The following CNBD1 variants were observed in gnomAD, a reference collection of about 807,000 sequenced individuals.
The protein encoded by CNBD1 is cyclic nucleotide binding domain containing 1.
A neutral mutation model predicts 54.4 loss-of-function variants in CNBD1; 71 were observed. The ratio of observed to expected loss-of-function variants is 1.30; its 90% CI spans 1.08 to 1.59. CNBD1 has a LOEUF of 1.59. Among genes scored for constraint, CNBD1 ranks in the 40% most tolerant of loss-of-function variants. The probability of loss-of-function intolerance (pLI) is 0.00; values close to 1 mark genes in which losing one functional copy is unlikely to be tolerated. For synonymous variants in CNBD1, 182 were observed against 170.7 expected, an observed-to-expected ratio of 1.07 and a Z score of -0.51; for missense variants, 659 against 518.0, an observed-to-expected ratio of 1.27 and a Z score of -2.64.
chr8:87,346,667 G>T (rs1810182429), intron 8 of CNBD1, among the ~76,000 whole-genome samples: 1 of 152,000 alleles, frequency 6.6e-6, no homozygotes, highest in Non-Finnish European at 1.5e-5. Flanking sequence ...ACTATGTGCT[G>T]ATATACTAAT....
At chr8:87,283,079 T>G (rs1338224616) in intron 6 of CNBD1, among the ~76,000 whole-genome samples, 1 of 152,104 alleles carries the variant, frequency 6.6e-6, no homozygotes, top group African/African-American at 2.4e-5. Context: ...TCCATCTATC[T>G]TCTGTAGCTA....
chr8:87,257,660 C>T (rs1808048986), intron 6 of CNBD1, among the ~76,000 whole-genome samples: 1 of 152,038 alleles, frequency 6.6e-6, no homozygotes, highest in East Asian at 1.9e-4. Context: ...TGAGTCCATG[C>T]TTAACATTGG....
chr8:87,185,017 T>C (rs909048800), intron 4 of CNBD1, among the ~76,000 whole-genome samples: 1 of 152,192 alleles, frequency 6.6e-6, no homozygotes, highest in African/African-American at 2.4e-5. Flanking sequence ...TTTCCGAATA[T>C]ATTTGGGAAA....
chr8:86,971,282 A>G (rs1330307377), intron 4 of CNBD1, among the ~76,000 whole-genome samples: 1 of 152,128 alleles, frequency 6.6e-6, no homozygotes, highest in Non-Finnish European at 1.5e-5. Context: ...ACTGCCAAAC[A>G]TTTTTATACC....
chr8:87,411,427 T>TATATATAG (rs71277943), intron 2 of CNBD1, among the ~76,000 whole-genome samples: 1 of 140,878 alleles, frequency 7.1e-6, no homozygotes, highest in Non-Finnish European at 1.5e-5. Context: ...TATATATATA[T>TATATATAG]TTCATTCACA....
intron 8 of CNBD1, among the ~76,000 whole-genome samples, chr8:87,332,185 T>TA (rs952126458): frequency 2.0e-5 from 3 of 152,170 alleles, no homozygotes; most frequent in African/African-American, 7.2e-5. Flanking sequence ...CCGTCTCTAT[T>TA]AAAAATACAA....
intron 2 of CNBD1, among the ~76,000 whole-genome samples, chr8:87,396,834 TC>T (rs1459993817): frequency 6.6e-6 from 1 of 151,370 alleles, no homozygotes; most frequent in African/African-American, 2.4e-5. Context: ...GAGCTATCAT[TC>T]CCCTTCCCTC....
At chr8:87,137,911 C>G (rs1331119269) in intron 4 of CNBD1, among the ~76,000 whole-genome samples, 1 of 152,110 alleles carries the variant, frequency 6.6e-6, no homozygotes, top group Non-Finnish European at 1.5e-5. Flanking sequence ...TTCAGAGTTT[C>G]TGCCATAATT....
chr8:87,069,721 C>T (rs1810723078), intron 4 of CNBD1, among the ~76,000 whole-genome samples: 1 of 152,058 alleles, frequency 6.6e-6, no homozygotes, highest in African/African-American at 2.4e-5. Context: ...CATTCTTGCT[C>T]CACCTTGTCT....
At chr8:87,371,326 C>A (rs1285117884) in intron 10 of CNBD1, among the ~76,000 whole-genome samples, 18 of 152,038 alleles carry the variant, frequency 1.2e-4, no homozygotes, top group Non-Finnish European at 5.9e-5. Context: ...GGCAGTATGG[C>A]CATTTTCATG....
intron 8 of CNBD1, among the ~76,000 whole-genome samples, chr8:87,341,697 C>A (rs747703449): frequency 1.3e-5 from 2 of 152,212 alleles, no homozygotes; most frequent in African/African-American, 4.8e-5. Flanking sequence ...TTGCTCTGAT[C>A]TCTTGTGAAG....
chr8:87,248,058 G>A (rs1168698588), intron 6 of CNBD1, among the ~76,000 whole-genome samples: 1 of 152,084 alleles, frequency 6.6e-6, no homozygotes, highest in Non-Finnish European at 1.5e-5. Flanking sequence ...GACTTTAATT[G>A]TTCTGCAGCT....
intron 2 of CNBD1, among the ~76,000 whole-genome samples, chr8:86,904,215 C>G (rs147062246): frequency 6.6e-6 from 1 of 151,840 alleles, no homozygotes; most frequent in Non-Finnish European, 1.5e-5. Context: ...CATTGTCATG[C>G]GGCAACTATT....
chr8:87,046,412 T>C (rs1810191625), intron 4 of CNBD1, among the ~76,000 whole-genome samples: 1 of 152,156 alleles, frequency 6.6e-6, no homozygotes, highest in Admixed American at 6.5e-5. Flanking sequence ...TGAGATAGGG[T>C]ACTTTCTAGA....
intron 2 of CNBD1, among the ~76,000 whole-genome samples, chr8:87,409,974 G>C (rs1168111044): frequency 6.6e-6 from 1 of 151,844 alleles, no homozygotes; most frequent in Non-Finnish European, 1.5e-5. Context: ...AGTGAGCCGA[G>C]ATAGTGCCAC....
intron 4 of CNBD1, among the ~76,000 whole-genome samples, chr8:87,011,836 A>C (rs1463957354): frequency 6.6e-6 from 1 of 152,176 alleles, no homozygotes; most frequent in African/African-American, 2.4e-5. Flanking sequence ...AGATAAACAA[A>C]AATATTAGAA....
At chr8:87,111,578 A>C (rs571772457) in intron 4 of CNBD1, among the ~76,000 whole-genome samples, 4 of 152,164 alleles carry the variant, frequency 2.6e-5, no homozygotes, top group Non-Finnish European at 5.9e-5. Flanking sequence ...CAGTTGATGC[A>C]GCCTTGGTTT....
intron 4 of CNBD1, among the ~76,000 whole-genome samples, chr8:87,154,618 G>T (rs772580973): frequency 3.3e-5 from 5 of 152,222 alleles, no homozygotes; most frequent in Non-Finnish European, 5.9e-5. Flanking sequence ...ACAGTGGGGA[G>T]TGCTGTTTAA....
intron 8 of CNBD1, among the ~76,000 whole-genome samples, chr8:87,312,598 A>T (rs1809291602): frequency 6.6e-6 from 1 of 151,970 alleles, no homozygotes. Context: ...CTTATTTCCT[A>T]TTTTAACTTT....
Sources: allele counts gnomAD v4.1 joint callset (sites outside exome capture counted in the v4.1 genomes callset), GRCh38; gene constraint gnomAD v4.1.1; transcripts MANE v1.5; gene names NCBI Gene and HGNC (gene_info 2026-07-23, HGNC 2026-07-21).